The following ADGRE1 variants were observed in gnomAD, a reference collection of about 807,000 sequenced individuals.
ADGRE1 encodes the protein adhesion G protein-coupled receptor E1.
A neutral mutation model predicts 102.7 loss-of-function variants in ADGRE1; 82 were observed. The observed-to-expected ratio is 0.80, with a 90% CI of 0.67 to 0.96. The LOEUF (loss-of-function observed/expected upper bound fraction) is 0.96. Among genes scored for constraint, ADGRE1 ranks in the 40% least tolerant of loss-of-function variants. ADGRE1 has a pLI of 0.00. For synonymous variants in ADGRE1, 398 were observed against 399.6 expected (o/e 1.00, Z 0.05); for missense variants, 1,032 against 1,085.3 (o/e 0.95, Z 0.69).
chr19:6,916,510 C>A (rs189513438), intron 12 of ADGRE1, 142 bp downstream of exon 12: 613 of 1,124,832 alleles, frequency 5.4e-4, no homozygotes, highest in Non-Finnish European at 5.8e-4. Flanking sequence ...AGAGAGTTTT[C>A]CATGTGCTAG....
chr19:6,889,215 T>C (rs1973257072), intron 1 of ADGRE1, among the ~76,000 whole-genome samples: 1 of 151,594 alleles, frequency 6.6e-6, no homozygotes, highest in Non-Finnish European at 1.5e-5. Context: ...GTGGTGATGA[T>C]GATGATGGTG....
chr19:6,915,080 AC>A lies in ADGRE1; in HGVS notation c.1301-1168del, dbSNP rs1349591397. Among the ~76,000 whole-genome samples the A allele has an allele frequency of 3.3e-5, 5 of 152,116 alleles. No individual in the cohort carries two copies. In the East Asian group the frequency reaches 7.7e-4, roughly 23 times the overall value. On this transcript the variant is annotated intron_variant, in intron 11 of 20. Transcript: ENST00000312053. ...GAGTGCAGTGGTGTGATCATAGCTC[AC>A]TACAGCTTTGCACTCCCAGGCTCAA...
intron 11 of ADGRE1, among the ~76,000 whole-genome samples, chr19:6,915,063 T>G (rs1436362850): frequency 2.6e-5 from 4 of 151,994 alleles, no homozygotes; most frequent in African/African-American, 9.7e-5. Context: ...TGGAGTGCAG[T>G]GGTGTGATCA....
chr19:6,931,846 G>T (rs1208397434), intron 17 of ADGRE1, among the ~76,000 whole-genome samples: 1 of 151,870 alleles, frequency 6.6e-6, no homozygotes, highest in Non-Finnish European at 1.5e-5. Context: ...GTCAGATTAG[G>T]GTCTGCCCTA....
rs1363241455 is a variant in ADGRE1, at chr19:6,904,097, C to T, written c.864C>T (p.Ala288=). The change falls in exon 8 of 21, where the codon GCC becomes GCT. Residue 288 remains alanine, a synonymous_variant. Coordinates refer to ENST00000312053, the MANE Select transcript of ADGRE1 (RefSeq NM_001974.5). ...TCGPNSICTN[A]LGSYSCGCIA... ...GTCCTAATTCTATCTGCACCAATGC[C>T]CTGGGCTCCTACAGCTGTGGCTGCA... is the stretch of plus-strand genomic sequence containing the variant. 3.0e-5 allele frequency: 49 copies of T among 1,614,190 alleles called. No homozygotes were observed. Among genetic ancestry groups the T allele is most frequent in the Non-Finnish European group, 4.2e-5 (49 of 1,180,026 alleles).
chr19:6,934,405 T>A (rs951967995), intron 17 of ADGRE1, among the ~76,000 whole-genome samples: 3 of 142,520 alleles, frequency 2.1e-5, no homozygotes, highest in Admixed American at 7.0e-5. Context: ...TGGGTCAGAA[T>A]TCTTCTTCTT....
Position 6,913,753 on chromosome 19 carries a change from G to C in ADGRE1, c.1223G>C (p.Ser408Thr). 1.2e-6 allele frequency: 2 copies of C among 1,613,104 alleles called. No homozygotes were observed. Among genetic ancestry groups the C allele is most frequent in the South Asian group, 2.2e-5 (2 of 90,758 alleles). ...TCCCTGGCCACAGTCTTCCTGGAGA[G>C]TGTGGAAAGCATGACACTGGCATCT... ...TSSLATVFLESVESMTLASFW... is the reference protein window; with the variant it reads ...TSSLATVFLETVESMTLASFW... Residue 408 changes from serine to threonine, a missense_variant, in exon 11 of 21, where the codon AGT (serine) becomes ACT (threonine). Ser to Thr is a moderately conservative substitution (Grantham distance 58, BLOSUM62 1). Transcript: ENST00000312053.
chr19:6,895,754 C>G (rs560617436), intron 2 of ADGRE1: 2 of 152,232 alleles, frequency 1.3e-5, no homozygotes, highest in Non-Finnish European at 2.9e-5. Flanking sequence ...AATGCAGATT[C>G]TGATTCAATG....
At chr19:6,907,227 G>A (rs1371886808) in intron 9 of ADGRE1, among the ~76,000 whole-genome samples, 1 of 152,100 alleles carries the variant, frequency 6.6e-6, no homozygotes, top group African/African-American at 2.4e-5. Flanking sequence ...TTTAATTGTG[G>A]TGAGGTACAC....
chr19:6,903,016 T>G (rs1973827945), intron 6 of ADGRE1, among the ~76,000 whole-genome samples: 2 of 152,226 alleles, frequency 1.3e-5, no homozygotes, highest in African/African-American at 4.8e-5. Context: ...ACAGCTTTAT[T>G]GAAGAGGCAG....
intron 5 of ADGRE1, among the ~76,000 whole-genome samples, chr19:6,899,394 C>T (rs1973686183): frequency 1.3e-5 from 2 of 152,196 alleles, no homozygotes; most frequent in South Asian, 4.1e-4. Flanking sequence ...AAACCTTATT[C>T]TGGGCTGGGC....
At position 6,919,733 on chromosome 19, in the gene ADGRE1, CTG is replaced by C; in HGVS notation, c.1607_1608del (p.Leu536ArgfsTer10). On this transcript the variant is annotated frameshift_variant, in exon 13 of 21. Transcript: ENST00000312053. LOFTEE classifies it high-confidence loss of function. Reference sequence around the variant, plus strand: ...CTTCTCAGATCCAATCATCTACACTCTGGAGAACATTCAGGTTTGTGAAGAGG... The same window carrying C: ...CTTCTCAGATCCAATCATCTACACTCGAGAACATTCAGGTTTGTGAAGAGG... Reference protein sequence around the residue: ...DGFSDPIIYTLENIQPKQKFE... With the variant: ...DGFSDPIIYTXENIQPKQKFE... 1 of 1,613,508 alleles carries C rather than the reference CTG, an allele frequency of 6.2e-7. No individual in the cohort carries two copies. Among genetic ancestry groups the C allele is most frequent in the Non-Finnish European group, 8.5e-7 (1 of 1,179,714 alleles).
At chr19:6,930,395 C>T (rs557555018) in intron 17 of ADGRE1, among the ~76,000 whole-genome samples, 82 of 152,226 alleles carry the variant, frequency 5.4e-4, no homozygotes, top group African/African-American at 1.9e-3. Context: ...CTCATGGTGG[C>T]TCATTCCCTT....
chr19:6,899,801 A>G (rs1270304493), intron 5 of ADGRE1, among the ~76,000 whole-genome samples: 1 of 151,820 alleles, frequency 6.6e-6, no homozygotes, highest in Admixed American at 6.6e-5. Flanking sequence ...GTTGAAAGTT[A>G]TCTTTAATCA....
At chr19:6,893,547 T>C (rs1973451734) in intron 2 of ADGRE1, among the ~76,000 whole-genome samples, 1 of 152,202 alleles carries the variant, frequency 6.6e-6, no homozygotes, top group Admixed American at 6.5e-5. Flanking sequence ...TGAGTACATA[T>C]ACGACATCTT....
intron 10 of ADGRE1, among the ~76,000 whole-genome samples, chr19:6,909,986 G>A (rs1481476491): frequency 4.7e-5 from 7 of 148,240 alleles, no homozygotes; most frequent in South Asian, 2.1e-4. Context: ...CACCTGCCTC[G>A]GCCTCCCAAA....
At chr19:6,914,078 A>G (rs1195477401) in intron 11 of ADGRE1, among the ~76,000 whole-genome samples, 2 of 152,254 alleles carry the variant, frequency 1.3e-5, no homozygotes, top group African/African-American at 2.4e-5. Context: ...ATTAGCTGCT[A>G]TGTGCTGGGC....
chr19:6,919,759 G>C lies in ADGRE1; in HGVS notation c.1620+12G>C, dbSNP rs761436394. ...TGGAGAACATTCAGGTTTGTGAAGA[G>C]GTCTCTACTGAGATTCTTGTCTACC... On this transcript the variant is annotated intron_variant, in intron 13 of 20. Coordinates refer to ENST00000312053, the MANE Select transcript of ADGRE1 (RefSeq NM_001974.5). The C allele has an allele frequency of 6.2e-7, 1 of 1,612,078 alleles. No individual in the cohort carries two copies. The highest frequency in any genetic ancestry group is 1.3e-5 in the African/African-American group (1 of 74,940).
At chr19:6,896,281 T>C (rs540619172) in intron 2 of ADGRE1, 117 bp from the exon 3 acceptor site, 1 of 999,532 alleles carries the variant, frequency 1.0e-6, no homozygotes, top group African/African-American at 1.6e-5. Flanking sequence ...AACGTATCTT[T>C]TGGGAGGAAC....
Sources: gnomAD v4.1 joint callset for allele counts (sites outside exome capture counted in the v4.1 genomes callset) on GRCh38, gnomAD v4.1.1 for gene constraint, MANE v1.5 for transcripts, NCBI Gene and HGNC (gene_info 2026-07-23, HGNC 2026-07-21) for gene names.